APELA: variants seen among roughly 807,000 people sequenced by gnomAD.
The protein encoded by APELA is apelin receptor early endogenous ligand.
intron 2 of APELA, among the ~76,000 whole-genome samples, chr4:164,889,676 G>A (rs377333821): frequency 6.6e-6 from 1 of 152,146 alleles, no homozygotes; most frequent in African/African-American, 2.4e-5. Flanking sequence ...GGCATTAAGA[G>A]ACGGTCACTT....
In APELA at chr4:164,878,947, G is replaced by T. The variant is rs565885589; in HGVS notation, c.104G>T (p.Arg35Leu). Residue 35 changes from arginine to leucine, a missense_variant, in exon 2 of 3, where the codon CGC becomes CTC. Arg to Leu is a moderately radical substitution (Grantham distance 102). Coordinates refer to ENST00000507152, the MANE Select transcript of APELA (RefSeq NM_001297550.2). Reference protein sequence around the residue: ...PVNLTMRRKLRKHNCLQRRCM... With the variant: ...PVNLTMRRKLLKHNCLQRRCM... ...AATTTGACCATGAGAAGAAAACTGCGCAAACACAATTGCCTTCAGAGGAGA... is the reference window on the plus strand; with the variant it reads ...AATTTGACCATGAGAAGAAAACTGCTCAAACACAATTGCCTTCAGAGGAGA... The T allele has an allele frequency of 7.5e-6, 3 of 398,788 alleles. No homozygotes were observed. The South Asian group carries it at 3.8e-4, about 51-fold the overall frequency. 24.7% of individuals were successfully genotyped at this position (398,788 alleles called of 1,614,324 possible). A position where few individuals can be genotyped will look rare whatever the true frequency, so the allele number is the denominator to read the frequency against.
intron 2 of APELA, among the ~76,000 whole-genome samples, chr4:164,888,231 G>T (rs746637458): frequency 1.3e-5 from 2 of 152,162 alleles, no homozygotes; most frequent in African/African-American, 2.4e-5. Context: ...TCAAGCCAGG[G>T]CTATTTATTC....
rs1461731049 is a variant in APELA, at chr4:164,896,092, A to ATTGTTT, written c.*692_*697dup. 2.0e-5 allele frequency: 3 copies of ATTGTTT among 152,172 alleles called. No homozygotes were observed. Among genetic ancestry groups the ATTGTTT allele is most frequent in the Non-Finnish European group, 4.4e-5 (3 of 68,026 alleles). The allele number at this position is 152,172 out of a possible 1,614,324, so 9.4% of individuals were successfully genotyped here. A position where few individuals can be genotyped will look rare whatever the true frequency, so the allele number is the denominator to read the frequency against. On this transcript the variant is annotated 3_prime_UTR_variant, in exon 3 of 3. Coordinates refer to ENST00000507152, the MANE Select transcript of APELA (RefSeq NM_001297550.2). Reference sequence around the variant, plus strand: ...GTTCATTTTATGTTCAAATGAAACCATTGTTTTTGTTTTTGTTTTGAAACA... The same window carrying ATTGTTT: ...GTTCATTTTATGTTCAAATGAAACCATTGTTTTTGTTTTTGTTTTTGTTTTGAAACA...
chr4:164,879,918 C>T (rs1057226258), intron 2 of APELA, among the ~76,000 whole-genome samples: 15 of 152,114 alleles, frequency 9.9e-5, no homozygotes, highest in Non-Finnish European at 1.5e-4. Context: ...TTTGCTCCTC[C>T]CTTTTCTTGT....
chr4:164,889,826 T>A (rs543751733), intron 2 of APELA, among the ~76,000 whole-genome samples: 2 of 152,332 alleles, frequency 1.3e-5, no homozygotes, highest in South Asian at 4.1e-4. Context: ...TTTCCTTGTC[T>A]TTATTCCCTA....
At chr4:164,898,578 G>C (rs973088475), downstream of APELA, 1 of 151,726 alleles carries the variant, frequency 6.6e-6, no homozygotes, top group Non-Finnish European at 1.5e-5. Flanking sequence ...TACAGAGCTT[G>C]ATCAAGATGG....
At chr4:164,881,516 A>T (rs1477106562) in intron 2 of APELA, among the ~76,000 whole-genome samples, 1 of 140,932 alleles carries the variant, frequency 7.1e-6, no homozygotes, top group African/African-American at 2.7e-5. Flanking sequence ...TACATGCTGT[A>T]TGCCGTTCAT....
intron 2 of APELA, among the ~76,000 whole-genome samples, chr4:164,889,144 T>C (rs578064732): frequency 6.8e-6 from 1 of 147,266 alleles, no homozygotes; most frequent in African/African-American, 2.5e-5. Flanking sequence ...CTTCTTTTAT[T>C]ACACTGGCCA....
intron 2 of APELA, among the ~76,000 whole-genome samples, chr4:164,884,994 T>A (rs1469349303): frequency 6.6e-6 from 1 of 152,162 alleles, no homozygotes; most frequent in Non-Finnish European, 1.5e-5. Flanking sequence ...ACGCCTGGCA[T>A]TAGAAAGTGT....
At chr4:164,879,241 G>A (rs1730611781) in intron 2 of APELA, 4 of 345,348 alleles carry the variant, frequency 1.2e-5, no homozygotes, top group Non-Finnish European at 1.6e-5. Flanking sequence ...GGAAAATCTT[G>A]ATAACTGTTG....
chr4:164,884,121 G>GAGAAAGAAAGAAAGAAAGAAAGAAAGAA lies in APELA; in HGVS notation c.*1+5123_*1+5150dup, dbSNP rs375419662. ...AGAAAGAATGAAAGAAAGAAAGAAA[G>GAGAAAGAAAGAAAGAAAGAAAGAAAGAA]AGAAAGAAAGAAAGAAAGAAAGAAA... On this transcript the variant is annotated intron_variant, in intron 2 of 2. Transcript: ENST00000507152. Among the ~76,000 whole-genome samples, 543 of 113,330 alleles carry GAGAAAGAAAGAAAGAAAGAAAGAAAGAA rather than the reference G, an allele frequency of 4.8e-3. 8 individuals carry two copies. Among genetic ancestry groups the GAGAAAGAAAGAAAGAAAGAAAGAAAGAA allele is most frequent in the African/African-American group, 0.018 (481 of 26,744 alleles). 74.3% of individuals were successfully genotyped at this position (113,330 alleles called of 152,430 possible).
chr4:164,880,294 G>A (rs1730632384), intron 2 of APELA, among the ~76,000 whole-genome samples: 1 of 152,092 alleles, frequency 6.6e-6, no homozygotes, highest in Non-Finnish European at 1.5e-5. Context: ...AAATGAAGGA[G>A]GAGCAATTTC....
intron 2 of APELA, 132 bp from the exon 3 acceptor site, chr4:164,895,284 T>C (rs1156451045): frequency 6.6e-6 from 1 of 152,210 alleles, no homozygotes; most frequent in Non-Finnish European, 1.5e-5. Context: ...TATATAAAGT[T>C]GCTTTCAGCA....
intron 2 of APELA, among the ~76,000 whole-genome samples, chr4:164,886,233 A>G (rs1730768389): frequency 2.0e-5 from 3 of 152,222 alleles, no homozygotes; most frequent in South Asian, 4.1e-4. Flanking sequence ...CATATTGCAT[A>G]AAGCTAAATG....
chr4:164,888,977 G>A (rs1730830522), intron 2 of APELA, among the ~76,000 whole-genome samples: 1 of 144,694 alleles, frequency 6.9e-6, no homozygotes, highest in Non-Finnish European at 1.5e-5. Context: ...TTGAGAGTGT[G>A]TGTGTGTATG....
At chr4:164,888,189 A>C (rs1730814978) in intron 2 of APELA, among the ~76,000 whole-genome samples, 1 of 152,194 alleles carries the variant, frequency 6.6e-6, no homozygotes, top group African/African-American at 2.4e-5. Context: ...CTGAGGAAAA[A>C]AAGAAAAAAA....
At chr4:164,878,220 G>GA (rs1167345096) in intron 1 of APELA, among the ~76,000 whole-genome samples, 3 of 150,494 alleles carry the variant, frequency 2.0e-5, no homozygotes, top group Non-Finnish European at 4.4e-5. Context: ...AAGAAAGAAA[G>GA]AAATTAGAAA....
intron 2 of APELA, among the ~76,000 whole-genome samples, chr4:164,893,468 A>T (rs953708039): frequency 6.6e-6 from 1 of 151,870 alleles, no homozygotes; most frequent in Non-Finnish European, 1.5e-5. Flanking sequence ...ATTCTGCCAG[A>T]TTTTGCTTCA....
At chr4:164,890,589 G>A (rs887511749) in intron 2 of APELA, among the ~76,000 whole-genome samples, 3 of 152,080 alleles carry the variant, frequency 2.0e-5, no homozygotes, top group Non-Finnish European at 4.4e-5. Flanking sequence ...TCTAATTTAC[G>A]ACTGAATACA....
Sources: allele counts gnomAD v4.1 joint callset (sites outside exome capture counted in the v4.1 genomes callset), GRCh38; gene constraint gnomAD v4.1.1; transcripts MANE v1.5; gene names NCBI Gene and HGNC (gene_info 2026-07-23, HGNC 2026-07-21).